TIAM1: variants seen among roughly 807,000 people sequenced by gnomAD.
The protein encoded by TIAM1 is TIAM Rac1 associated GEF 1, also known as rho guanine nucleotide exchange factor TIAM1.
Under a neutral mutation model 163.5 loss-of-function variants are expected in TIAM1, and 65 were observed. The observed-to-expected ratio is 0.40, with a 90% CI of 0.33 to 0.49. The LOEUF (loss-of-function observed/expected upper bound fraction) is 0.49, where lower values mean the gene tolerates loss of function less well. Among genes scored for constraint, TIAM1 ranks in the 20% least tolerant of loss-of-function variants. TIAM1 has a pLI of 0.77. For missense variants in TIAM1, 1,789 were observed against 2,044.7 expected (o/e 0.87, Z 2.41); for synonymous variants, 833 against 810.1 (o/e 1.03, Z -0.48).
intron 2 of TIAM1, among the ~76,000 whole-genome samples, chr21:31,291,651 T>C (rs1195951391): frequency 1.3e-5 from 2 of 152,220 alleles, no homozygotes; most frequent in East Asian, 3.8e-4. Flanking sequence ...GCCTCCTGAG[T>C]AGCTGGGACT....
intron 2 of TIAM1, among the ~76,000 whole-genome samples, chr21:31,286,226 C>T (rs141968747): frequency 6.6e-6 from 1 of 152,074 alleles, no homozygotes; most frequent in African/African-American, 2.4e-5. Context: ...CATCGCAGTG[C>T]AGCAAAGAAT....
chr21:31,390,026 T>C (rs2076941927), intron 2 of TIAM1, among the ~76,000 whole-genome samples: 1 of 152,176 alleles, frequency 6.6e-6, no homozygotes, highest in Non-Finnish European at 1.5e-5. Context: ...TTTAAAGATA[T>C]ATTTTTAAAA....
chr21:31,363,231 C>T (rs1202855078), intron 2 of TIAM1, among the ~76,000 whole-genome samples: 1 of 152,132 alleles, frequency 6.6e-6, no homozygotes. Context: ...TAATCTGATC[C>T]AGGGAAAACA....
At chr21:31,231,570 A>C (rs2088434234) in intron 6 of TIAM1, among the ~76,000 whole-genome samples, 1 of 152,212 alleles carries the variant, frequency 6.6e-6, no homozygotes, top group African/African-American at 2.4e-5. Context: ...AGCTGACCAA[A>C]GTTAAACACC....
intron 2 of TIAM1, among the ~76,000 whole-genome samples, chr21:31,450,305 C>T (rs768445963): frequency 4.6e-5 from 7 of 152,140 alleles, no homozygotes; most frequent in Non-Finnish European, 7.3e-5. Flanking sequence ...GAAGCACGTC[C>T]GAGATGTTTT....
chr21:31,409,108 TTTTC>T (rs1254804440), intron 2 of TIAM1, among the ~76,000 whole-genome samples: 1 of 137,518 alleles, frequency 7.3e-6, no homozygotes, highest in Non-Finnish European at 1.5e-5. Context: ...GACCTTCTCC[TTTTC>T]TTTTTTTTTT....
Position 31,403,924 on chromosome 21 carries a change from T to A in TIAM1, c.-369+60059A>T, listed in dbSNP as rs1168080293. Reference sequence around the variant, plus strand: ...TAGTGACAGAGGCTAATTGGAAGTCTCAGCAAAGCGTGATGGGATCACGGA... The same window carrying A: ...TAGTGACAGAGGCTAATTGGAAGTCACAGCAAAGCGTGATGGGATCACGGA... On this transcript the variant is annotated intron_variant, in intron 2 of 28. Transcript: ENST00000286827. Among the ~76,000 whole-genome samples, 30 of 152,058 alleles carry A rather than the reference T, an allele frequency of 2.0e-4. 1 individual carries two copies. Among genetic ancestry groups the A allele is most frequent in the Non-Finnish European group, 5.9e-5 (4 of 68,030 alleles).
chr21:31,336,708 T>C (rs2075851816), intron 2 of TIAM1, among the ~76,000 whole-genome samples: 1 of 151,922 alleles, frequency 6.6e-6, no homozygotes, highest in South Asian at 2.1e-4. Context: ...GGTAACATCA[T>C]CTGAGAAGGA....
upstream of TIAM1, among the ~76,000 whole-genome samples, chr21:31,345,481 C>A (rs947004366): frequency 1.4e-5 from 2 of 146,932 alleles, no homozygotes; most frequent in Admixed American, 6.8e-5. Context: ...TATATCCACA[C>A]GGATTCACAC....
intron 19 of TIAM1, among the ~76,000 whole-genome samples, chr21:31,148,312 C>T (rs747764684): frequency 6.6e-6 from 1 of 152,114 alleles, no homozygotes; most frequent in Non-Finnish European, 1.5e-5. Flanking sequence ...CAGGTTTTTC[C>T]TGTGCTGTTC....
intron 1 of TIAM1, among the ~76,000 whole-genome samples, chr21:31,467,623 C>T (rs1378657323): frequency 6.8e-6 from 1 of 147,502 alleles, no homozygotes; most frequent in East Asian, 2.0e-4. Context: ...GAGGCTCCAT[C>T]TCAAAAAAAA....
At chr21:31,313,029 C>T (rs1427369521) in intron 2 of TIAM1, among the ~76,000 whole-genome samples, 2 of 152,192 alleles carry the variant, frequency 1.3e-5, no homozygotes, top group Non-Finnish European at 2.9e-5. Context: ...CAGCTACTCA[C>T]CTGCCTGGTG....
intron 15 of TIAM1, among the ~76,000 whole-genome samples, chr21:31,173,947 G>A (rs1057225454): frequency 5.9e-5 from 9 of 152,174 alleles, no homozygotes; most frequent in East Asian, 1.9e-4. Flanking sequence ...CAGGGCCCAC[G>A]CAGGCAGGCC....
At chr21:31,429,126 A>T (rs2043905377) in intron 2 of TIAM1, among the ~76,000 whole-genome samples, 1 of 151,822 alleles carries the variant, frequency 6.6e-6, no homozygotes, top group Non-Finnish European at 1.5e-5. Context: ...CAGCCTCCCC[A>T]GTTGCTGGGA....
chr21:31,160,601 T>C, intron 16 of TIAM1: 1 of 398,498 alleles, frequency 2.5e-6, no homozygotes, highest in Non-Finnish European at 4.4e-6. Context: ...CAGAAGTTTC[T>C]TAAAATATTC....
At chr21:31,357,072 T>C (rs1039160650) in intron 2 of TIAM1, among the ~76,000 whole-genome samples, 2 of 152,244 alleles carry the variant, frequency 1.3e-5, no homozygotes, top group African/African-American at 4.8e-5. Context: ...GGTCATATCC[T>C]TTTGGCAAAA....
chr21:31,164,585 A>C (rs891748159), intron 16 of TIAM1, among the ~76,000 whole-genome samples: 1 of 152,226 alleles, frequency 6.6e-6, no homozygotes, highest in African/African-American at 2.4e-5. Context: ...AGTTCATTAC[A>C]GAAACCCTAA....
At chr21:31,205,942 G>A (rs1032375803) in intron 11 of TIAM1, among the ~76,000 whole-genome samples, 4 of 152,064 alleles carry the variant, frequency 2.6e-5, no homozygotes, top group Admixed American at 6.6e-5. Context: ...TACTTCAGCC[G>A]GGGGACAGAG....
Position 31,279,538 on chromosome 21 carries a change from C to T in TIAM1, c.-188-2630G>A, listed in dbSNP as rs564908745. 1.3e-3 allele frequency among the ~76,000 whole-genome samples: 195 copies of T among 152,288 alleles called. 1 individual carries two copies. The Middle Eastern group carries it at 0.014, about 11-fold the overall frequency. ...AGCTGGGAGTCGGGCTGCACGCATC[C>T]GGTCATATCTTGGCTTTGCAAGTCA... On this transcript the variant is annotated intron_variant, in intron 2 of 27. Transcript: ENST00000541036.
Sources: allele counts gnomAD v4.1 joint callset (sites outside exome capture counted in the v4.1 genomes callset), GRCh38; gene constraint gnomAD v4.1.1; transcripts MANE v1.5; gene names NCBI Gene and HGNC (gene_info 2026-07-23, HGNC 2026-07-21).